Variants in MAGI1 observed in about 807,000 individuals in gnomAD.
The protein encoded by MAGI1 is membrane associated guanylate kinase, WW and PDZ domain containing 1.
In MAGI1, 58 loss-of-function variants were observed where a neutral mutation model predicts 139.9. The observed-to-expected ratio is 0.41, with a 90% CI of 0.34 to 0.52. The LOEUF (loss-of-function observed/expected upper bound fraction) is 0.52, where lower values mean the gene tolerates loss of function less well. MAGI1 is among the 20% of genes least tolerant of loss of function. The pLI is 0.12. For synonymous variants in MAGI1, 812 were observed against 737.9 expected, an observed-to-expected ratio of 1.10 and a Z score of -1.63; for missense variants, 1,874 against 1,901.6, an observed-to-expected ratio of 0.99 and a Z score of 0.27.
At chr3:65,617,628 A>T (rs888081398) in intron 2 of MAGI1, among the ~76,000 whole-genome samples, 9 of 152,164 alleles carry the variant, frequency 5.9e-5, no homozygotes, top group African/African-American at 2.2e-4. Context: ...TGCTTCGAGT[A>T]CCAGCCAAGT....
At chr3:65,422,943 T>C (rs1559541385) in intron 12 of MAGI1, among the ~76,000 whole-genome samples, 1 of 152,130 alleles carries the variant, frequency 6.6e-6, no homozygotes, top group Non-Finnish European at 1.5e-5. Flanking sequence ...CTTGATCTGA[T>C]GTACTTTAAA....
In MAGI1 at chr3:65,636,703, T is replaced by TACAC. The variant is rs10662746; in HGVS notation, c.314-14619_314-14616dup. On this transcript the variant is annotated intron_variant, in intron 1 of 22. Transcript: ENST00000402939. ...AACTATGTTTATAAGGGAAAACACA[T>TACAC]ACACACACACACACACACACATACA... Among the ~76,000 whole-genome samples the TACAC allele has an allele frequency of 5.6e-3, 839 of 148,558 alleles. 11 individuals carry two copies. The highest frequency in any genetic ancestry group is 0.018 in the African/African-American group (728 of 40,124).
At chr3:65,743,611 G>A (rs1441075897) in intron 1 of MAGI1, among the ~76,000 whole-genome samples, 1 of 152,096 alleles carries the variant, frequency 6.6e-6, no homozygotes, top group African/African-American at 2.4e-5. Context: ...TCGGGAGGCT[G>A]AGGCAGGAGA....
chr3:65,976,722 T>C (rs1468682052), intron 1 of MAGI1, among the ~76,000 whole-genome samples: 1 of 152,208 alleles, frequency 6.6e-6, no homozygotes, highest in African/African-American at 2.4e-5. Flanking sequence ...ACCCTCACGT[T>C]TGACTTTGAA....
intron 1 of MAGI1, among the ~76,000 whole-genome samples, chr3:65,985,425 T>C (rs1032845138): frequency 4.6e-5 from 7 of 152,136 alleles, no homozygotes; most frequent in Non-Finnish European, 7.4e-5. Flanking sequence ...AATTAGTTGG[T>C]ATACAGGCTC....
chr3:65,523,894 A>G lies in MAGI1; in HGVS notation c.431-30263T>C, dbSNP rs536144736. Among the ~76,000 whole-genome samples, 17 of 152,306 alleles carry G rather than the reference A, an allele frequency of 1.1e-4. No individual in the cohort carries two copies. The South Asian group carries it at 3.5e-3, about 32-fold the overall frequency. On this transcript the variant is annotated intron_variant, in intron 2 of 22. Transcript: ENST00000402939. ...TAAGAAGCCTGAGAGTGCACGCTAC[A>G]GAAGAGCTTATGATGTCCTATTACT... is the stretch of plus-strand genomic sequence containing the variant.
chr3:65,973,568 G>C (rs2065111718), intron 1 of MAGI1, among the ~76,000 whole-genome samples: 1 of 152,160 alleles, frequency 6.6e-6, no homozygotes, highest in Admixed American at 6.5e-5. Context: ...TCACTACACA[G>C]CCATATAAAC....
Position 65,356,961 on chromosome 3 carries a change from C to T in MAGI1, c.3806G>A (p.Ser1269Asn). The T allele has an allele frequency of 4.3e-6, 7 of 1,614,168 alleles. No homozygotes were observed. The highest frequency in any genetic ancestry group is 5.9e-6 in the Non-Finnish European group (7 of 1,180,024). ...ATTGGGTTGTCTGCTATACTCTCTG[C>T]TGCCTTTCGGATCCCTTGCGTGTGC... is the stretch of plus-strand genomic sequence containing the variant. ...KRAHARDPKG[S>N]REYSRQPNEH... The change falls in exon 23 of 23, where the codon AGC (serine) becomes AAC (asparagine). Residue 1269 changes from serine (S) to asparagine (N), a missense_variant. Ser to Asn is a conservative substitution (Grantham distance 46). Around this residue, in one of 5 missense-constraint regions of MAGI1, gnomAD observed 653 missense variants for 644.5 expected, o/e 1.01. Coordinates refer to ENST00000402939, the MANE Select transcript of MAGI1 (RefSeq NM_001033057.2).
At chr3:65,743,625 G>A (rs1055605188) in intron 1 of MAGI1, among the ~76,000 whole-genome samples, 1 of 152,022 alleles carries the variant, frequency 6.6e-6, no homozygotes, top group African/African-American at 2.4e-5. Flanking sequence ...CAGGAGAATT[G>A]CTTGAACCTG....
At chr3:65,835,232 A>G (rs2042742459) in intron 1 of MAGI1, among the ~76,000 whole-genome samples, 1 of 152,134 alleles carries the variant, frequency 6.6e-6, no homozygotes, top group Non-Finnish European at 1.5e-5. Context: ...TTTCTACAAT[A>G]TTTTTAAGTG....
intron 14 of MAGI1, among the ~76,000 whole-genome samples, chr3:65,385,807 G>C (rs554578264): frequency 6.6e-6 from 1 of 152,292 alleles, no homozygotes; most frequent in African/African-American, 2.4e-5. Flanking sequence ...CAATTTGAGA[G>C]TAATATTTTC....
rs528916406 is a variant in MAGI1 at position 65,966,186 on chromosome 3, G to A, written c.313+71810C>T. Among the ~76,000 whole-genome samples, 208 of 152,210 alleles carry A rather than the reference G, an allele frequency of 1.4e-3. 1 individual carries two copies. Among genetic ancestry groups the A allele is most frequent in the African/African-American group, 3.8e-3 (158 of 41,520 alleles). ...CTAGCATCTCAGAAGCTAAACAGGT[G>A]ACCAATGATGGCACTGCCAAAATAC... is the stretch of plus-strand genomic sequence containing the variant. On this transcript the variant is annotated intron_variant, in intron 1 of 22. Coordinates refer to ENST00000402939, the MANE Select transcript of MAGI1 (RefSeq NM_001033057.2).
At chr3:65,686,786 T>C (rs964442567) in intron 1 of MAGI1, among the ~76,000 whole-genome samples, 1 of 152,212 alleles carries the variant, frequency 6.6e-6, no homozygotes, top group African/African-American at 2.4e-5. Context: ...TAAAAACAAA[T>C]GCACAGTATG....
chr3:65,808,404 C>G (rs1489799402), intron 1 of MAGI1, among the ~76,000 whole-genome samples: 27 of 152,038 alleles, frequency 1.8e-4, no homozygotes, highest in Admixed American at 1.8e-3. Context: ...GAGGCTGAGG[C>G]AGGAGAATAG....
chr3:65,591,385 G>C (rs2081957990), intron 2 of MAGI1, among the ~76,000 whole-genome samples: 1 of 152,044 alleles, frequency 6.6e-6, no homozygotes, highest in South Asian at 2.1e-4. Flanking sequence ...TCAGGCATGA[G>C]TCTACTCTCA....
At chr3:65,632,297 T>C (rs7641318) in intron 1 of MAGI1, among the ~76,000 whole-genome samples, 3,633 of 152,292 alleles carry the variant, frequency 0.024, 147 homozygotes, top group African/African-American at 0.083. Context: ...ATTTTAATTA[T>C]GGTTTTTAAG....
chr3:65,823,386 C>T (rs1030946825), intron 1 of MAGI1, among the ~76,000 whole-genome samples: 30 of 151,590 alleles, frequency 2.0e-4, no homozygotes, highest in Non-Finnish European at 4.3e-4. Flanking sequence ...TTGTTCTGTT[C>T]TATTTCCAGT....
chr3:65,589,945 G>C (rs767032293), intron 2 of MAGI1, among the ~76,000 whole-genome samples: 1 of 151,842 alleles, frequency 6.6e-6, no homozygotes, highest in Non-Finnish European at 1.5e-5. Context: ...GTCCATCCCC[G>C]AGTCTGTGTC....
chr3:65,815,424 C>T (rs79255337), intron 1 of MAGI1, among the ~76,000 whole-genome samples: 5,442 of 152,220 alleles, frequency 0.036, 131 homozygotes, highest in Middle Eastern at 0.051. Context: ...TAGATAAGAG[C>T]AGACTCTATA....
Sources: gnomAD v4.1 joint callset for allele counts (sites outside exome capture counted in the v4.1 genomes callset) on GRCh38, gnomAD v4.1.1 for gene constraint, gnomAD v4.1.1 regional missense constraint, MANE v1.5 for transcripts, NCBI Gene and HGNC (gene_info 2026-07-23, HGNC 2026-07-21) for gene names.